Variants in PTPRF observed in about 807,000 individuals in gnomAD.
PTPRF encodes receptor-type tyrosine-protein phosphatase F.
In PTPRF, 59 loss-of-function variants were observed where a neutral mutation model predicts 201.8. The ratio of observed to expected loss-of-function variants is 0.29; its 90% CI spans 0.24 to 0.36. The LOEUF is 0.36. Ranked by LOEUF, PTPRF falls within the 10% of genes least tolerant of loss-of-function variation. PTPRF has a pLI of 1.00. For missense variants in PTPRF, 2,132 were observed against 2,690.5 expected, an observed-to-expected ratio of 0.79 and a Z score of 4.59; for synonymous variants, 1,088 against 1,089.7, an observed-to-expected ratio of 1.00 and a Z score of 0.03.
At chr1:43,565,782 G>A (rs1646125131) in intron 5 of PTPRF, among the ~76,000 whole-genome samples, 1 of 152,214 alleles carries the variant, frequency 6.6e-6, no homozygotes, top group Non-Finnish European at 1.5e-5. Flanking sequence ...GGGAAGGGGC[G>A]CAGAGGCTCC....
intron 21 of PTPRF, 98 bp downstream of exon 21, chr1:43,607,066 T>C (rs1462088220): frequency 6.1e-6 from 9 of 1,479,106 alleles, no homozygotes; most frequent in Non-Finnish European, 8.3e-6. Context: ...CAGCCTTGCA[T>C]CCTGGACCCT....
At chr1:43,586,580 C>T (rs944418343) in intron 7 of PTPRF, among the ~76,000 whole-genome samples, 1 of 152,252 alleles carries the variant, frequency 6.6e-6, no homozygotes. Context: ...GGCACTAGAA[C>T]AGATGACAGA....
In PTPRF at chr1:43,623,104, G is replaced by A. The variant is rs2154043014; in HGVS notation, c.*1101G>A. 6.5e-6 allele frequency: 1 copy of A among 152,864 alleles called. No individual in the cohort carries two copies. Among genetic ancestry groups the A allele is most frequent in the Admixed American group, 6.5e-5 (1 of 15,300 alleles). The allele number at this position is 152,864 out of a possible 1,614,324, so 9.5% of individuals were successfully genotyped here. A position where few individuals can be genotyped will look rare whatever the true frequency, so the allele number is the denominator to read the frequency against. On this transcript the variant is annotated 3_prime_UTR_variant, in exon 34 of 34. Coordinates refer to ENST00000359947, the MANE Select transcript of PTPRF (RefSeq NM_002840.5). ...AGGTGAATAGCACAGGTTAGGGTGTGTGCCACACCCCATGCACCTCAGGGC... is the reference window on the plus strand; with the variant it reads ...AGGTGAATAGCACAGGTTAGGGTGTATGCCACACCCCATGCACCTCAGGGC...
chr1:43,531,343 C>G (rs1209323426), intron 1 of PTPRF, among the ~76,000 whole-genome samples: 1 of 148,072 alleles, frequency 6.8e-6, no homozygotes, highest in African/African-American at 2.5e-5. Flanking sequence ...GGCTGGCTCG[C>G]TCCCCGCCGC....
chr1:43,525,511 A>G (rs111385782), upstream of PTPRF, among the ~76,000 whole-genome samples: 1,422 of 152,150 alleles, frequency 9.3e-3, 24 homozygotes, highest in African/African-American at 0.032. Context: ...TTATATCAAG[A>G]GCAACATCAG....
chr1:43,545,004 C>T, intron 2 of PTPRF, 27 bp from the exon 3 acceptor site: 5 of 1,361,256 alleles, frequency 3.7e-6, no homozygotes, highest in Non-Finnish European at 5.0e-6. Context: ...TACCAGCTAA[C>T]TGGCTCTGCC....
Position 43,553,657 on chromosome 1 carries a change from G to T in PTPRF, c.237+20G>T. Reference sequence around the variant, plus strand: ...TTCGAGGTGCGTCTGTGGTGGGAAGGGGTCGGCAGGGCTCAGGGTCTGCCC... The same window carrying T: ...TTCGAGGTGCGTCTGTGGTGGGAAGTGGTCGGCAGGGCTCAGGGTCTGCCC... On this transcript the variant is annotated intron_variant, in intron 4 of 33. Transcript: ENST00000359947. This position sits in a 1 kb window ranked among gnomAD's most constrained non-coding sequence, Gnocchi z 4.1. 1 of 1,613,704 alleles carries T rather than the reference G, an allele frequency of 6.2e-7. No individual in the cohort carries two copies. Among genetic ancestry groups the T allele is most frequent in the Non-Finnish European group, 8.5e-7 (1 of 1,179,830 alleles).
At position 43,604,169 on chromosome 1, in the gene PTPRF, G is replaced by A. The variant is rs372819126; in HGVS notation, c.3017G>A (p.Arg1006Gln). The A allele has an allele frequency of 1.4e-5, 22 of 1,613,938 alleles. No individual in the cohort carries two copies. The highest frequency in any genetic ancestry group is 2.7e-5 in the African/African-American group (2 of 75,074). ...CCACTCAGCCCCAGCATCCAGTCCCGGACCATGCCGGTGGAGCAAGGTGTG... is the reference window on the plus strand; with the variant it reads ...CCACTCAGCCCCAGCATCCAGTCCCAGACCATGCCGGTGGAGCAAGGTGTG... Reference protein sequence around the residue: ...SGPLSPSIQSRTMPVEQVFAK... With the variant: ...SGPLSPSIQSQTMPVEQVFAK... Residue 1006 changes from arginine (R) to glutamine (Q), a missense_variant, in exon 16 of 34, where the codon CGG becomes CAG. By Grantham distance (43) the Arg-to-Gln change is conservative. Around this residue, in one of 6 missense-constraint regions of PTPRF, gnomAD observed 818 missense variants for 915.3 expected, o/e 0.89. Transcript: ENST00000359947.
intron 2 of PTPRF, among the ~76,000 whole-genome samples, chr1:43,544,033 T>C (rs1187639564): frequency 6.6e-6 from 1 of 152,176 alleles, no homozygotes; most frequent in Non-Finnish European, 1.5e-5. Flanking sequence ...CCATGTATAG[T>C]GCGGCCATGC....
At position 43,597,738 on chromosome 1, in the gene PTPRF, TC is replaced by T; in HGVS notation, c.1814-9del. 6.9e-7 allele frequency: 1 copy of T among 1,459,786 alleles called. No individual in the cohort carries two copies. The highest frequency in any genetic ancestry group is 9.4e-7 in the Non-Finnish European group (1 of 1,063,574). 90.4% of individuals were successfully genotyped at this position (1,459,786 alleles called of 1,614,324 possible). On this transcript the variant is annotated splice_polypyrimidine_tract_variant and intron_variant, in intron 11 of 33. Transcript: ENST00000359947. ...CATCTGCTTGCTTCCCCCCCATTTG[TC>T]TTCCCCAGCCCCCTCCGCCCCTCCC... is the stretch of plus-strand genomic sequence containing the variant.
intron 22 of PTPRF, chr1:43,612,625 CCCT>C (rs1656724151): frequency 2.1e-5 from 12 of 576,322 alleles, no homozygotes; most frequent in Non-Finnish European, 3.2e-5. Context: ...CCTCACCGCC[CCCT>C]CCTCTTCTCC....
At chr1:43,562,097 G>C (rs1645844729) in intron 5 of PTPRF, among the ~76,000 whole-genome samples, 2 of 152,054 alleles carry the variant, frequency 1.3e-5, no homozygotes. Context: ...TGGTTTGCTT[G>C]CTGGGGAGAG....
At chr1:43,555,442 C>CTTTTT (rs986469997) in intron 5 of PTPRF, among the ~76,000 whole-genome samples, 10 of 115,558 alleles carry the variant, frequency 8.7e-5, no homozygotes, top group Admixed American at 1.8e-4. Flanking sequence ...TATCATTATT[C>CTTTTT]TTTTTTTTTT....
intron 21 of PTPRF, among the ~76,000 whole-genome samples, chr1:43,608,028 C>G (rs967701372): frequency 1.3e-5 from 2 of 152,368 alleles, no homozygotes; most frequent in Admixed American, 1.3e-4. Context: ...GCAGGAGAGC[C>G]TGTATCCTGT....
intron 1 of PTPRF, among the ~76,000 whole-genome samples, chr1:43,536,162 C>T (rs1456820355): frequency 6.6e-6 from 1 of 152,140 alleles, no homozygotes; most frequent in African/African-American, 2.4e-5. Flanking sequence ...TGGCTCTGTT[C>T]TGGGGGTGTA....
intron 6 of PTPRF, among the ~76,000 whole-genome samples, chr1:43,571,604 C>T (rs974419235): frequency 4.6e-5 from 7 of 152,240 alleles, no homozygotes; most frequent in Non-Finnish European, 7.3e-5. Context: ...GTACCACCCT[C>T]GTGGCTCTCA....
chr1:43,539,820 T>C (rs1209866393), intron 2 of PTPRF, among the ~76,000 whole-genome samples: 1 of 152,084 alleles, frequency 6.6e-6, no homozygotes, highest in Non-Finnish European at 1.5e-5. Context: ...GCATGTCTGG[T>C]GGGGTGCAGA....
At chr1:43,583,966 G>C (rs1648443280) in intron 7 of PTPRF, among the ~76,000 whole-genome samples, 1 of 152,192 alleles carries the variant, frequency 6.6e-6, no homozygotes, top group African/African-American at 2.4e-5. Flanking sequence ...TGAACGGTCA[G>C]CTGCAACTTA....
rs1646000252 is a variant in PTPRF at position 43,564,223 on chromosome 1, GGA to G, written c.380-5363_380-5362del. On this transcript the variant is annotated intron_variant, in intron 5 of 33. Transcript: ENST00000359947. Reference sequence around the variant, plus strand: ...CCTGGGGGTGGGGCTGGGCTCTCTGGGAGAGTGTGGGAGCGTGCAGATCTGGC... The same window carrying G: ...CCTGGGGGTGGGGCTGGGCTCTCTGGGAGTGTGGGAGCGTGCAGATCTGGC... 4.6e-5 allele frequency among the ~76,000 whole-genome samples: 7 copies of G among 152,286 alleles called. No homozygotes were observed. The South Asian group carries it at 1.4e-3, about 32-fold the overall frequency.
Sources: gnomAD v4.1 joint callset for allele counts (sites outside exome capture counted in the v4.1 genomes callset) on GRCh38, gnomAD v4.1.1 for gene constraint, gnomAD v4.1.1 regional missense constraint, Gnocchi (gnomAD v3.1) non-coding constraint, MANE v1.5 for transcripts, NCBI Gene and HGNC (gene_info 2026-07-23, HGNC 2026-07-21) for gene names.